RESF1: variants seen among roughly 807,000 people sequenced by gnomAD.
RESF1 encodes gonad expressed transcript.
Under a neutral mutation model 134.7 loss-of-function variants are expected in RESF1, and 65 were observed. That is an observed-to-expected ratio of 0.48 (90% CI 0.40 to 0.59). The LOEUF is 0.59. Among genes scored for constraint, RESF1 ranks in the 20% least tolerant of loss-of-function variants. RESF1 has a pLI of 0.00. For missense variants in RESF1, 2,274 were observed against 2,002.7 expected, an observed-to-expected ratio of 1.14 and a Z score of -2.59; for synonymous variants, 762 against 702.2, an observed-to-expected ratio of 1.09 and a Z score of -1.35.
chr12:31,982,897 T>A lies in RESF1; in HGVS notation c.1942T>A (p.Ser648Thr), dbSNP rs115583334. 992 of 1,614,024 alleles carry A rather than the reference T, an allele frequency of 6.1e-4. 3 individuals carry two copies. Among genetic ancestry groups the A allele is most frequent in the African/African-American group, 5.5e-3 (414 of 75,044 alleles). Residue 648 changes from serine (S) to threonine (T), a missense_variant, in exon 4 of 6, where the codon TCC (serine) becomes ACC (threonine). Transcript: ENST00000312561. ...TGTAAGTGGCAGGGTTTTGGACAACTCCTTTTGCAGTGGACAAGAATCCTC... is the reference window on the plus strand; with the variant it reads ...TGTAAGTGGCAGGGTTTTGGACAACACCTTTTGCAGTGGACAAGAATCCTC... ...SNVSGRVLDN[S>T]FCSGQESSTK... is the part of the protein sequence containing the mutation.
At chr12:31,978,535 G>GTT (rs202163423) in intron 3 of RESF1, among the ~76,000 whole-genome samples, 1,526 of 151,330 alleles carry the variant, frequency 0.01, 19 homozygotes, top group African/African-American at 0.031. Context: ...AGGTATTTGG[G>GTT]GTTTTTTTTT....
chr12:31,984,481 G>C lies in RESF1; in HGVS notation c.3526G>C (p.Gly1176Arg). ...EKDDIHCCAL[G>R]WLSMVYEGVP... ...AGATGATATCCACTGCTGTGCATTG[G>C]GCTGGCTCTCCATGGTTTACGAAGG... Residue 1176 changes from glycine (G) to arginine (R), a missense_variant, in exon 4 of 6, where the codon GGC becomes CGC. Physicochemically the swap from Gly to Arg is moderately radical, Grantham distance 125. Coordinates refer to ENST00000312561, the MANE Select transcript of RESF1 (RefSeq NM_018169.4). 6.2e-7 allele frequency: 1 copy of C among 1,612,082 alleles called. No individual in the cohort carries two copies. Among genetic ancestry groups the C allele is most frequent in the Non-Finnish European group, 8.5e-7 (1 of 1,178,490 alleles).
Position 31,985,549 on chromosome 12 carries a change from A to ATTC in RESF1, c.4596_4598dup (p.Leu1533dup). ...TTCTCAGGAGTCTAAAACATACAAC[A>ATTC]TTCTAAGGAATGTTAAAGAAAAAGT... On this transcript the variant is annotated inframe_insertion, in exon 4 of 6. Transcript: ENST00000312561. 6.3e-7 allele frequency: 1 copy of ATTC among 1,598,230 alleles called. No homozygotes were observed. The highest frequency in any genetic ancestry group is 8.5e-7 in the Non-Finnish European group (1 of 1,175,534).
rs764858736 is a variant in RESF1 at position 31,983,462 on chromosome 12, A to T, written c.2507A>T (p.Gln836Leu). Residue 836 changes from glutamine to leucine, a missense_variant, in exon 4 of 6, where the codon CAG (glutamine) becomes CTG (leucine). Transcript: ENST00000312561. ...TCAACCAAGATTTTTCCACTAACTC[A>T]GAAGGAAAAGCAGAATGAGTCAACT... ...ATSTKIFPLTQKEKQNESTNG... is the reference protein window; with the variant it reads ...ATSTKIFPLTLKEKQNESTNG... 13 of 1,614,044 alleles carry T rather than the reference A, an allele frequency of 8.1e-6. No individual in the cohort carries two copies. The highest frequency in any genetic ancestry group is 1.1e-5 in the Non-Finnish European group (13 of 1,179,972).
In RESF1 at chr12:31,965,408, C is replaced by A. The variant is rs181085563; in HGVS notation, c.-247+4537C>A. 1.0e-3 allele frequency among the ~76,000 whole-genome samples: 154 copies of A among 152,280 alleles called. 3 individuals carry two copies. The East Asian group carries it at 0.023, about 23-fold the overall frequency. On this transcript the variant is annotated intron_variant, in intron 2 of 5. Transcript: ENST00000312561. ...TTACATAACGTGAATCCATGGTAAA[C>A]CTCTAGAGAGTATTTAAACTGCAGA...
intron 5 of RESF1, among the ~76,000 whole-genome samples, chr12:31,989,384 A>T (rs1301829124): frequency 6.1e-5 from 7 of 114,426 alleles, no homozygotes; most frequent in Non-Finnish European, 1.0e-4. Context: ...TGACAGAGAG[A>T]GAGTCTTGTC....
At chr12:31,970,077 T>C (rs1245443941) in intron 2 of RESF1, 112 bp from the exon 3 acceptor site, 2 of 152,228 alleles carry the variant, frequency 1.3e-5, no homozygotes, top group Non-Finnish European at 2.9e-5. Context: ...TTTTCAGTTA[T>C]TTGCATTGTG....
rs151274990 is a variant in RESF1 at position 31,984,047 on chromosome 12, A to G, written c.3092A>G (p.Tyr1031Cys). Residue 1031 changes from tyrosine (Y) to cysteine (C), a missense_variant, in exon 4 of 6, where the codon TAT becomes TGT. By Grantham distance (194) the Tyr-to-Cys change is radical (BLOSUM62 -2). Coordinates refer to ENST00000312561, the MANE Select transcript of RESF1 (RefSeq NM_018169.4). ...YPQEIDASSNYTPQDPARNEI... is the reference protein window; with the variant it reads ...YPQEIDASSNCTPQDPARNEI... ...CAGGAAATAGATGCATCCAGCAACT[A>G]TACTCCCCAAGATCCTGCAAGAAAT... 48 of 1,614,028 alleles carry G rather than the reference A, an allele frequency of 3.0e-5. No individual in the cohort carries two copies. The highest frequency in any genetic ancestry group is 4.0e-5 in the African/African-American group (3 of 74,924).
intron 3 of RESF1, among the ~76,000 whole-genome samples, chr12:31,973,082 C>G (rs7314724): frequency 0.72 from 109,839 of 151,978 alleles, 39,791 homozygotes; most frequent in East Asian, 0.79. Flanking sequence ...TTATATTAAA[C>G]TATCAGTGAT....
rs750315679 is a variant in RESF1 at position 31,985,879 on chromosome 12, TTAC to T, written c.4927_4929del (p.Leu1643del). On this transcript the variant is annotated inframe_deletion, in exon 4 of 6. Transcript: ENST00000312561. Reference sequence around the variant, plus strand: ...GGAGTTTAAATTATGTCCAGATATCTTACTAAAGAATACAAACTCTGTGGAAGA... The same window carrying T: ...GGAGTTTAAATTATGTCCAGATATCTTAAAGAATACAAACTCTGTGGAAGA... The T allele has an allele frequency of 6.5e-7, 1 of 1,540,908 alleles. No individual in the cohort carries two copies. Among genetic ancestry groups the T allele is most frequent in the Admixed American group, 2.3e-5 (1 of 42,788 alleles).
chr12:31,983,682 A>G lies in RESF1; in HGVS notation c.2727A>G (p.Ile909Met). ...GTGATACCTCTTACAATTCCCAAAT[A>G]GCAAAGATATTCAGCTCTCTTCCCT... ...VEGDTSYNSQ[I>M]AKIFSSLPLK... is the part of the protein sequence containing the mutation. The change falls in exon 4 of 6, where the codon ATA (isoleucine) becomes ATG (methionine). Residue 909 changes from isoleucine (I) to methionine (M), a missense_variant. Coordinates refer to ENST00000312561, the MANE Select transcript of RESF1 (RefSeq NM_018169.4). 3 of 1,613,980 alleles carry G rather than the reference A, an allele frequency of 1.9e-6. No homozygotes were observed. Among genetic ancestry groups the G allele is most frequent in the Non-Finnish European group, 2.5e-6 (3 of 1,180,000 alleles).
chr12:31,987,767 A>T (rs1035438503), intron 5 of RESF1, among the ~76,000 whole-genome samples: 1 of 151,340 alleles, frequency 6.6e-6, no homozygotes, highest in Non-Finnish European at 1.5e-5. Flanking sequence ...ACAGAGTCTC[A>T]CTCTGTCACC....
At chr12:31,970,757 T>G (rs1350678237) in intron 3 of RESF1, among the ~76,000 whole-genome samples, 1 of 152,230 alleles carries the variant, frequency 6.6e-6, no homozygotes, top group Non-Finnish European at 1.5e-5. Flanking sequence ...CAAGTTTTCT[T>G]GCACTTAGAC....
intron 4 of RESF1, 103 bp from the exon 5 acceptor site, chr12:31,987,136 G>A: frequency 4.5e-6 from 3 of 662,740 alleles, no homozygotes. Context: ...TTATATCTAG[G>A]GCCTTTCAAA....
chr12:31,988,494 A>G (rs923742488), intron 5 of RESF1, among the ~76,000 whole-genome samples: 1 of 152,180 alleles, frequency 6.6e-6, no homozygotes, highest in African/African-American at 2.4e-5. Context: ...ACAATATACT[A>G]TGCCATTTTA....
chr12:31,959,593 CG>C (rs1312836992), intron 1 of RESF1, 102 bp downstream of exon 1: 2 of 152,138 alleles, frequency 1.3e-5, no homozygotes, highest in Non-Finnish European at 2.9e-5. Context: ...TCCGGGCCTG[CG>C]CGCGGCGCAG....
chr12:31,978,763 G>T (rs545597592), intron 3 of RESF1, among the ~76,000 whole-genome samples: 1 of 140,952 alleles, frequency 7.1e-6, no homozygotes, highest in African/African-American at 2.6e-5. Flanking sequence ...GGGTTTCACC[G>T]TGTTGGCCAG....
At chr12:31,965,392 G>A (rs1939376741) in intron 2 of RESF1, among the ~76,000 whole-genome samples, 1 of 152,088 alleles carries the variant, frequency 6.6e-6, no homozygotes, top group Admixed American at 6.6e-5. Context: ...TTTACATAAC[G>A]TGAATCCATG....
chr12:31,989,396 C>CAAA (rs34529486), intron 5 of RESF1, among the ~76,000 whole-genome samples: 37,546 of 97,586 alleles, frequency 0.38, 7,697 homozygotes, highest in East Asian at 0.5. Flanking sequence ...AGTCTTGTCT[C>CAAA]AAAAAAAAAA....
Sources: gnomAD v4.1 joint callset for allele counts (sites outside exome capture counted in the v4.1 genomes callset) on GRCh38, gnomAD v4.1.1 for gene constraint, MANE v1.5 for transcripts, NCBI Gene and HGNC (gene_info 2026-07-23, HGNC 2026-07-21) for gene names.